The following SNRPG variants were observed in gnomAD, a reference collection of about 807,000 sequenced individuals.
SNRPG encodes small nuclear ribonucleoprotein G.
SNRPG carries 3 observed loss-of-function variants against 13.9 expected under a neutral mutation model. The ratio of observed to expected loss-of-function variants is 0.22; its 90% CI spans 0.10 to 0.56. SNRPG has a LOEUF of 0.56. SNRPG is among the 20% of genes least tolerant of loss of function. The pLI is 0.93. For synonymous variants in SNRPG, 29 were observed against 29.3 expected, an observed-to-expected ratio of 0.99 and a Z score of 0.03; for missense variants, 34 against 96.1, an observed-to-expected ratio of 0.35 and a Z score of 2.70.
chr2:70,281,711 A>C, intron 3 of SNRPG, 27 bp from the exon 4 acceptor site: 5 of 1,266,760 alleles, frequency 3.9e-6, no homozygotes, highest in Non-Finnish European at 5.7e-6. Context: ...TAAATTTGAA[A>C]AGAACAACTC....
At chr2:70,286,100 A>C (rs1421818850) in intron 3 of SNRPG, among the ~76,000 whole-genome samples, 1 of 151,986 alleles carries the variant, frequency 6.6e-6, no homozygotes, top group African/African-American at 2.4e-5. Flanking sequence ...CTAATTTTCT[A>C]ATTTTTTTGT....
At position 70,291,948 on chromosome 2, in the gene SNRPG, A is replaced by ATT. The variant is rs200204639; in HGVS notation, c.32+1668_32+1669dup. On this transcript the variant is annotated intron_variant, in intron 1 of 3. Transcript: ENST00000272348. Reference sequence around the variant, plus strand: ...TCACAATAATTTCTGAGTAACTTCTATTTTTTTTTTTTTTTTTGAGACGGA... The same window carrying ATT: ...TCACAATAATTTCTGAGTAACTTCTATTTTTTTTTTTTTTTTTTTGAGACGGA... Among the ~76,000 whole-genome samples, 358 of 136,740 alleles carry ATT rather than the reference A, an allele frequency of 2.6e-3. 9 individuals are homozygous for ATT. The highest frequency in any genetic ancestry group is 3.8e-3 in the Middle Eastern group (1 of 262). The allele number at this position is 136,740 out of a possible 152,430, so 89.7% of individuals were successfully genotyped here. A position where few individuals can be genotyped will look rare whatever the true frequency, so the allele number is the denominator to read the frequency against.
intron 3 of SNRPG, among the ~76,000 whole-genome samples, chr2:70,283,801 A>T (rs1696874163): frequency 6.6e-6 from 1 of 152,204 alleles, no homozygotes; most frequent in Non-Finnish European, 1.5e-5. Context: ...GCTCACGCCT[A>T]TAATCTCAGC....
chr2:70,283,096 CAAAAAAAAAAAAAAAAAAA>C (rs57862220), intron 3 of SNRPG, among the ~76,000 whole-genome samples: 2 of 14,046 alleles, frequency 1.4e-4, no homozygotes, highest in South Asian at 0.01. Context: ...TGTCTTTTGT[CAAAAAAAAAAAAAAAAAAA>C]AAAAAAAAAC....
rs371089529 is a variant in SNRPG at position 70,284,114 on chromosome 2, GA to G, written c.181-2431del. Among the ~76,000 whole-genome samples the G allele has an allele frequency of 7.2e-4, 110 of 152,308 alleles. No individual in the cohort carries two copies. The South Asian group carries it at 0.022, about 30-fold the overall frequency. ...TGCCCTGAAAATGACAATGGGAACT[GA>G]AAGAGTCTAAAGATTGACACTCTTC... is the stretch of plus-strand genomic sequence containing the variant. On this transcript the variant is annotated intron_variant, in intron 3 of 3. Coordinates refer to ENST00000272348, the MANE Select transcript of SNRPG (RefSeq NM_003096.4).
intron 1 of SNRPG, among the ~76,000 whole-genome samples, chr2:70,289,754 T>C (rs1697033316): frequency 6.6e-6 from 1 of 152,030 alleles, no homozygotes; most frequent in Non-Finnish European, 1.5e-5. Flanking sequence ...GAGGCTGCAG[T>C]GAGCCATGAT....
intron 1 of SNRPG, among the ~76,000 whole-genome samples, chr2:70,292,351 T>G (rs1697121699): frequency 6.6e-6 from 1 of 151,776 alleles, no homozygotes; most frequent in South Asian, 2.1e-4. Flanking sequence ...AATGCAAAAA[T>G]ATTATTATTT....
chr2:70,290,627 G>T (rs1268167374), intron 1 of SNRPG, among the ~76,000 whole-genome samples: 1 of 151,698 alleles, frequency 6.6e-6, no homozygotes, highest in Non-Finnish European at 1.5e-5. Context: ...GGATTATCAT[G>T]GGAAAATGTA....
intron 3 of SNRPG, among the ~76,000 whole-genome samples, chr2:70,282,060 G>A (rs549388520): frequency 2.0e-4 from 30 of 152,110 alleles, no homozygotes; most frequent in Non-Finnish European, 3.8e-4. Flanking sequence ...AGGATTACAG[G>A]AGCCCTGACC....
chr2:70,287,967 G>T, intron 3 of SNRPG, 101 bp downstream of exon 3: 1 of 1,070,688 alleles, frequency 9.3e-7, no homozygotes, highest in Non-Finnish European at 1.4e-6. Context: ...GTCTAATCTT[G>T]CCTGTTATTT....
At chr2:70,288,769 A>C (rs914047437) in intron 2 of SNRPG, among the ~76,000 whole-genome samples, 1 of 152,230 alleles carries the variant, frequency 6.6e-6, no homozygotes. Context: ...AGTCCTTTGT[A>C]GCTTGTTTAA....
At chr2:70,292,950 T>C in intron 1 of SNRPG, 1 of 579,448 alleles carries the variant, frequency 1.7e-6, no homozygotes, top group Non-Finnish European at 3.1e-6. Flanking sequence ...TTAAAGTTGT[T>C]TGACTTTACT....
intron 3 of SNRPG, among the ~76,000 whole-genome samples, chr2:70,286,018 T>C (rs1253889466): frequency 6.6e-6 from 1 of 152,122 alleles, no homozygotes; most frequent in African/African-American, 2.4e-5. Flanking sequence ...TGATCTCAGC[T>C]CACTGCAGCT....
At position 70,281,586 on chromosome 2, in the gene SNRPG, A is replaced by C. The variant is rs749396936; in HGVS notation, c.*48T>G. The C allele has an allele frequency of 6.5e-6, 7 of 1,074,696 alleles. No homozygotes were observed. Among genetic ancestry groups the C allele is most frequent in the Non-Finnish European group, 9.6e-6 (7 of 731,970 alleles). 66.6% of individuals were successfully genotyped at this position (1,074,696 alleles called of 1,614,324 possible). A position where few individuals can be genotyped will look rare whatever the true frequency, so the allele number is the denominator to read the frequency against. On this transcript the variant is annotated 3_prime_UTR_variant, in exon 4 of 4. Coordinates refer to ENST00000272348, the MANE Select transcript of SNRPG (RefSeq NM_003096.4). Reference sequence around the variant, plus strand: ...CCTAATTTTTACATCATAGTAAAACAGGCCCTATGGAGAGAGGACATGGGT... The same window carrying C: ...CCTAATTTTTACATCATAGTAAAACCGGCCCTATGGAGAGAGGACATGGGT...
rs1381884340 is a variant in SNRPG, at chr2:70,289,204, C to T, written c.55+146G>A. ...TCCTGATCTCACGATCCGCCTGCCT[C>T]GGCCTCCCAAAGTGCTGGGATTACA... On this transcript the variant is annotated intron_variant, in intron 2 of 3. Coordinates refer to ENST00000272348, the MANE Select transcript of SNRPG (RefSeq NM_003096.4). The T allele has an allele frequency of 3.6e-5, 18 of 499,118 alleles. No homozygotes were observed. The East Asian group carries it at 6.0e-4, about 17-fold the overall frequency. 30.9% of individuals were successfully genotyped at this position (499,118 alleles called of 1,614,324 possible).
In SNRPG at chr2:70,288,124, T is replaced by C. The variant is rs1474110853; in HGVS notation, c.124A>G (p.Ile42Val). 1 of 1,610,398 alleles carries C rather than the reference T, an allele frequency of 6.2e-7. No individual in the cohort carries two copies. Among genetic ancestry groups the C allele is most frequent in the Admixed American group, 1.7e-5 (1 of 59,996 alleles). ...GTCGCCATCTCCACACATTCATCTA[T>C]CACAAGGTTCATAAAGGGATCAAAT... ...RGFDPFMNLV[I>V]DECVEMATSG... The change falls in exon 3 of 4, where the codon ATA (isoleucine) becomes GTA (valine). Residue 42 changes from isoleucine (I) to valine (V), a missense_variant. Transcript: ENST00000272348.
chr2:70,281,758 C>T, intron 3 of SNRPG, 74 bp from the exon 4 acceptor site: 2 of 828,104 alleles, frequency 2.4e-6, no homozygotes, highest in South Asian at 1.6e-5. Context: ...TAAGAATTTT[C>T]ACCAAATCAT....
intron 3 of SNRPG, among the ~76,000 whole-genome samples, chr2:70,285,108 A>G (rs138436314): frequency 1.7e-4 from 26 of 152,364 alleles, no homozygotes; most frequent in African/African-American, 5.5e-4. Context: ...CTGAAAGTAT[A>G]AGAGCAGTGA....
At chr2:70,282,742 T>TA (rs993444191) in intron 3 of SNRPG, among the ~76,000 whole-genome samples, 19 of 151,562 alleles carry the variant, frequency 1.3e-4, no homozygotes, top group South Asian at 2.1e-4. Context: ...AGAGAAGTTA[T>TA]AAAAAAAAGG....
Sources: allele counts gnomAD v4.1 joint callset (sites outside exome capture counted in the v4.1 genomes callset), GRCh38; gene constraint gnomAD v4.1.1; transcripts MANE v1.5; gene names NCBI Gene and HGNC (gene_info 2026-07-23, HGNC 2026-07-21).